CCDC22: variants seen among roughly 807,000 people sequenced by gnomAD.
The protein encoded by CCDC22 is CCC complex scaffolding subunit CCDC22.
In CCDC22, 4 loss-of-function variants were observed where a neutral mutation model predicts 53.1. The ratio of observed to expected loss-of-function variants is 0.08; its 90% CI spans 0.04 to 0.17. CCDC22 has a LOEUF of 0.17. Among genes scored for constraint, CCDC22 ranks in the 10% least tolerant of loss-of-function variants. The pLI, the probability that CCDC22 is intolerant of heterozygous loss-of-function variation, is 1.00. For synonymous variants in CCDC22, 222 were observed against 224.4 expected, an observed-to-expected ratio of 0.99 and a Z score of 0.10; for missense variants, 458 against 554.0, an observed-to-expected ratio of 0.83 and a Z score of 1.74.
chrX:49,243,816 T>C, intron 6 of CCDC22, among the ~76,000 whole-genome samples: 1 of 112,358 alleles, frequency 8.9e-6, no homozygotes, highest in Non-Finnish European at 1.9e-5. Flanking sequence ...TCATTTGGAG[T>C]CTTGCTCTGT....
chrX:49,247,274 G>A (rs1557114376), intron 7 of CCDC22, among the ~76,000 whole-genome samples: 3 of 112,738 alleles, frequency 2.7e-5, no homozygotes, highest in Non-Finnish European at 5.6e-5. Context: ...GGGGCAGGTG[G>A]GTAGGAGCTG....
chrX:49,235,750 G>A, intron 1 of CCDC22, 64 bp downstream of exon 1: 1 of 983,084 alleles, frequency 1.0e-6, no homozygotes, highest in Non-Finnish European at 1.4e-6. Flanking sequence ...CCAGGACCCC[G>A]TTTCCCGGGA....
In CCDC22 at chrX:49,248,239, C is replaced by A. The variant is rs1557114644; in HGVS notation, c.1141C>A (p.Gln381Lys). 8.3e-7 allele frequency: 1 copy of A among 1,206,014 alleles called. No individual in the cohort carries two copies. Among genetic ancestry groups the A allele is most frequent in the African/African-American group, 1.7e-5 (1 of 57,461 alleles). ...CAAGCTCAGTACAGCAGAGCGTGAG[C>A]AGGCCCTGCGCCTGAAGAGCCGCGC... ...HSKLSTAERE[Q>K]ALRLKSRAVE... is the part of the protein sequence containing the mutation. The change falls in exon 10 of 17, where the codon CAG (glutamine) becomes AAG (lysine). Residue 381 changes from glutamine to lysine, a missense_variant. By Grantham distance (53) the Gln-to-Lys change is moderately conservative. Coordinates refer to ENST00000376227, the MANE Select transcript of CCDC22 (RefSeq NM_014008.5).
At chrX:49,238,740 C>T (rs980491765) in intron 2 of CCDC22, among the ~76,000 whole-genome samples, 7 of 110,663 alleles carry the variant, frequency 6.3e-5, no homozygotes, top group Admixed American at 9.6e-5. Flanking sequence ...TTAAATTTTT[C>T]GTAGAGACGG....
chrX:49,250,290 C>A lies in CCDC22; in HGVS notation c.*29C>A. The A allele has an allele frequency of 1.2e-6, 1 of 868,090 alleles. No individual in the cohort carries two copies. Among genetic ancestry groups the A allele is most frequent in the Non-Finnish European group, 1.7e-6 (1 of 600,640 alleles). 71.5% of individuals were successfully genotyped at this position (868,090 alleles called of 1,213,427 possible). On this transcript the variant is annotated 3_prime_UTR_variant, in exon 17 of 17. Coordinates refer to ENST00000376227, the MANE Select transcript of CCDC22 (RefSeq NM_014008.5). ...GCCGCCGGCAGAGGTCTCTCCCCAG[C>A]CTCAGGCAGGGATTTGGGGTGCTGG...
chrX:49,238,696 G>T lies in CCDC22; in HGVS notation c.228+1433G>T, dbSNP rs781977184. On this transcript the variant is annotated intron_variant, in intron 2 of 16. Transcript: ENST00000376227. ...CTGCCTCTGCCTCACTAGTAGCTAG[G>T]ACTATAGGCACATGCCACCCTGCCC... Among the ~76,000 whole-genome samples the T allele has an allele frequency of 8.9e-4, 100 of 112,044 alleles. 2 individuals carry two copies. Among genetic ancestry groups the T allele is most frequent in the Admixed American group, 8.8e-3 (93 of 10,627 alleles).
At chrX:49,249,004 G>A in intron 13 of CCDC22, 80 bp downstream of exon 13, 1 of 1,160,876 alleles carries the variant, frequency 8.6e-7, no homozygotes, top group Non-Finnish European at 1.2e-6. Context: ...CACACCCTCA[G>A]GCAGAGCTGT....
Position 49,247,740 on chromosome X carries a change from T to C in CCDC22, c.1064T>C (p.Met355Thr), listed in dbSNP as rs782353733. The change falls in exon 9 of 17, where the codon ATG becomes ACG. Residue 355 changes from methionine to threonine, a missense_variant. Physicochemically the swap from Met to Thr is moderately conservative, Grantham distance 81. Coordinates refer to ENST00000376227, the MANE Select transcript of CCDC22 (RefSeq NM_014008.5). ...AGCATTGAGGAGGTTGAGGCCGACA[T>C]GAAGACCCTGGGCGTCAGCTTTGTG... ...NRSIEEVEAD[M>T]KTLGVSFVQA... 4.1e-6 allele frequency: 5 copies of C among 1,210,824 alleles called. No homozygotes were observed. The highest frequency in any genetic ancestry group is 3.5e-5 in the South Asian group (2 of 56,767).
At chrX:49,239,614 A>C (rs1295017497) in intron 2 of CCDC22, among the ~76,000 whole-genome samples, 4 of 110,274 alleles carry the variant, frequency 3.6e-5, no homozygotes, top group African/African-American at 1.3e-4. Flanking sequence ...GTCTCTTAGC[A>C]ACAGGTCTCA....
At position 49,246,933 on chromosome X, in the gene CCDC22, C is replaced by T. The variant is rs782559160; in HGVS notation, c.909+8C>T. 48 of 1,174,003 alleles carry T rather than the reference C, an allele frequency of 4.1e-5. 1 individual carries two copies. Among genetic ancestry groups the T allele is most frequent in the South Asian group, 1.9e-4 (10 of 53,438 alleles). ...AAGTTCACCTTCCATCTGGTGGGTG[C>T]GCCTGAGGACATGAGATGTGTGGAT... On this transcript the variant is annotated splice_region_variant and intron_variant, in intron 7 of 16. Transcript: ENST00000376227.
chrX:49,241,366 T>C (rs782711292), intron 2 of CCDC22, among the ~76,000 whole-genome samples: 1 of 108,618 alleles, frequency 9.2e-6, no homozygotes, highest in Non-Finnish European at 1.9e-5. Flanking sequence ...CATGCACCTG[T>C]AATCCCAGCT....
intron 16 of CCDC22, among the ~76,000 whole-genome samples, 187 bp from the exon 17 acceptor site, chrX:49,249,961 G>A (rs1182393896): frequency 8.9e-6 from 1 of 112,860 alleles, no homozygotes; most frequent in Non-Finnish European, 1.9e-5. Flanking sequence ...AAAGATGTAG[G>A]GGGAATCCTG....
Position 49,250,229 on chromosome X carries a change from G to A in CCDC22, c.1852G>A (p.Ala618Thr). 7 of 1,157,674 alleles carry A rather than the reference G, an allele frequency of 6.0e-6. No individual in the cohort carries two copies. The highest frequency in any genetic ancestry group is 6.9e-6 in the Non-Finnish European group (6 of 863,588). Residue 618 changes from alanine (A) to threonine (T), a missense_variant, in exon 17 of 17, where the codon GCT becomes ACT. By Grantham distance (58) the Ala-to-Thr change is moderately conservative (BLOSUM62 0). Coordinates refer to ENST00000376227, the MANE Select transcript of CCDC22 (RefSeq NM_014008.5). ...EDYRALRQEN[A>T]GLLGRVREA ...CTACCGAGCCCTCCGCCAGGAGAAC[G>A]CTGGCCTCCTAGGCCGGGTCCGGGA...
At position 49,248,265 on chromosome X, in the gene CCDC22, G is replaced by A. The variant is rs72619041; in HGVS notation, c.1167G>A (p.Ala389=). Residue 389 remains alanine (A), a synonymous_variant, in exon 10 of 17, where the codon GCG becomes GCA. Transcript: ENST00000376227. ...AGGCCCTGCGCCTGAAGAGCCGCGC[G>A]GTGGAGCTGCTGCCCGATGGGACTG... ...REQALRLKSR[A]VELLPDGTAN... is the part of the protein sequence containing the mutation. 363 of 1,202,963 alleles carry A rather than the reference G, an allele frequency of 3.0e-4. 7 individuals are homozygous for A. In the East Asian group the frequency reaches 9.5e-3, roughly 31 times the overall value.
intron 7 of CCDC22, 46 bp downstream of exon 7, chrX:49,246,971 C>T: frequency 9.4e-7 from 1 of 1,066,600 alleles, no homozygotes; most frequent in Admixed American, 2.5e-5. Context: ...GCGTGGCAGG[C>T]TTGGAGGGTG....
chrX:49,236,605 C>T (rs1233866288), intron 1 of CCDC22, among the ~76,000 whole-genome samples: 4 of 111,464 alleles, frequency 3.6e-5, no homozygotes, highest in African/African-American at 1.3e-4. Flanking sequence ...AGGATGCCAA[C>T]ATCTAGGGAG....
At position 49,249,164 on chromosome X, in the gene CCDC22, C is replaced by T; in HGVS notation, c.1540-3C>T. ...GGCTCATGGCTGCCATGGTGTCTGC[C>T]AGATCTTGTCTGATACGAAGGAGCT... On this transcript the variant is annotated splice_polypyrimidine_tract_variant and splice_region_variant and intron_variant, in intron 13 of 16. Coordinates refer to ENST00000376227, the MANE Select transcript of CCDC22 (RefSeq NM_014008.5). 8.3e-7 allele frequency: 1 copy of T among 1,207,428 alleles called. No homozygotes were observed. Among genetic ancestry groups the T allele is most frequent in the Non-Finnish European group, 1.1e-6 (1 of 891,529 alleles).
At position 49,240,294 on chromosome X, in the gene CCDC22, G is replaced by A. The variant is rs782209093; in HGVS notation, c.229-1722G>A. On this transcript the variant is annotated intron_variant, in intron 2 of 16. Coordinates refer to ENST00000376227, the MANE Select transcript of CCDC22 (RefSeq NM_014008.5). ...AAAAAGACTGGGGACGGTGGCTCCT[G>A]TAATTCCAGCACTTTGGGAGGTGGA... is the stretch of plus-strand genomic sequence containing the variant. Among the ~76,000 whole-genome samples, 30 of 105,588 alleles carry A rather than the reference G, an allele frequency of 2.8e-4. No homozygotes were observed. The South Asian group carries it at 3.4e-3, about 12-fold the overall frequency. 91.7% of individuals were successfully genotyped at this position (105,588 alleles called of 115,157 possible).
chrX:49,247,626 C>G lies in CCDC22; in HGVS notation c.973-23C>G, dbSNP rs1462262161. The G allele has an allele frequency of 5.9e-6, 7 of 1,184,156 alleles. No homozygotes were observed. The African/African-American group carries it at 1.2e-4, about 21-fold the overall frequency. On this transcript the variant is annotated intron_variant, in intron 8 of 16. Coordinates refer to ENST00000376227, the MANE Select transcript of CCDC22 (RefSeq NM_014008.5). The stretch of plus-strand genomic sequence containing the variant: ...TGTCTACTGGGCCTGACACCCCAAC[C>G]CTGACTGGCCTGGGCCTCCCAGGTC...
Sources: allele counts gnomAD v4.1 joint callset (sites outside exome capture counted in the v4.1 genomes callset), GRCh38; gene constraint gnomAD v4.1.1; transcripts MANE v1.5; gene names NCBI Gene and HGNC (gene_info 2026-07-23, HGNC 2026-07-21).